The following RABL2A variants were observed in gnomAD, a reference collection of about 807,000 sequenced individuals.
RABL2A encodes RAB, member of RAS oncogene family like 2A.
In RABL2A, 17 loss-of-function variants were observed where a neutral mutation model predicts 30.7. The observed-to-expected ratio is 0.55, with a 90% confidence interval of 0.38 to 0.83. RABL2A has a LOEUF of 0.83. Among genes scored for constraint, RABL2A ranks in the 40% least tolerant of loss-of-function variants. RABL2A has a pLI of 0.00. For synonymous variants in RABL2A, 64 were observed against 101.8 expected (o/e 0.63, Z 2.24); for missense variants, 155 against 272.6 (o/e 0.57, Z 3.04).
At chr2:113,633,298 A>G in intron 3 of RABL2A, 1 of 374,470 alleles carries the variant, frequency 2.7e-6, no homozygotes, top group Non-Finnish European at 5.0e-6. Context: ...CTAACCTCAA[A>G]GCTTGGGCCC....
intron 4 of RABL2A, 122 bp from the exon 5 acceptor site, chr2:113,634,929 C>A: frequency 1.1e-6 from 1 of 940,912 alleles, no homozygotes; most frequent in Non-Finnish European, 1.7e-6. Flanking sequence ...GTCTCTGTTT[C>A]TCCCTGTGCT....
In RABL2A at chr2:113,636,858, G is replaced by A. The variant is rs369581385; in HGVS notation, c.297+1728G>A. Reference sequence around the variant, plus strand: ...AAAAAAATTAGCCGGGCGTGGTAGCGGGCGCCTGTAGTCCCAGCTACTCGG... The same window carrying A: ...AAAAAAATTAGCCGGGCGTGGTAGCAGGCGCCTGTAGTCCCAGCTACTCGG... On this transcript the variant is annotated intron_variant, in intron 5 of 8. Transcript: ENST00000683472. 7.2e-4 allele frequency among the ~76,000 whole-genome samples: 108 copies of A among 150,630 alleles called. 2 individuals carry two copies. The East Asian group carries it at 0.019, about 27-fold the overall frequency.
intron 5 of RABL2A, among the ~76,000 whole-genome samples, chr2:113,639,536 C>T (rs1366021856): frequency 5.3e-5 from 8 of 151,048 alleles, no homozygotes; most frequent in Non-Finnish European, 2.9e-5. Context: ...ACAAGAGAAT[C>T]GCTTGAACCT....
chr2:113,629,110 C>G (rs964028996), intron 2 of RABL2A, among the ~76,000 whole-genome samples: 16 of 150,844 alleles, frequency 1.1e-4, no homozygotes, highest in African/African-American at 3.7e-4. Context: ...ATAGAGAAAA[C>G]TGGGTAGAAC....
intron 4 of RABL2A, 47 bp from the exon 5 acceptor site, chr2:113,635,004 C>A (rs1681972088): frequency 6.2e-7 from 1 of 1,613,888 alleles, no homozygotes; most frequent in East Asian, 2.2e-5. Flanking sequence ...TAGTGACTTG[C>A]ACAGAAATGC....
rs1685517562 is a variant in RABL2A, at chr2:113,642,398, C to G, written c.*269C>G. 4.6e-6 allele frequency: 3 copies of G among 652,662 alleles called. No homozygotes were observed. Among genetic ancestry groups the G allele is most frequent in the Non-Finnish European group, 7.5e-6 (3 of 401,782 alleles). 40.4% of individuals were successfully genotyped at this position (652,662 alleles called of 1,614,324 possible). On this transcript the variant is annotated 3_prime_UTR_variant, in exon 9 of 9. Transcript: ENST00000683472. Reference sequence around the variant, plus strand: ...TAACACCTTCCCCACCCCCTCCCCCCAGGCAGACAGTGAAGAGAATCAGAA... The same window carrying G: ...TAACACCTTCCCCACCCCCTCCCCCGAGGCAGACAGTGAAGAGAATCAGAA...
chr2:113,636,071 G>T (rs1682568994), intron 5 of RABL2A, among the ~76,000 whole-genome samples: 1 of 151,416 alleles, frequency 6.6e-6, no homozygotes, highest in Non-Finnish European at 1.5e-5. Flanking sequence ...TCACACCATT[G>T]CACTCCAGCC....
Position 113,633,073 on chromosome 2 carries a change from A to G in RABL2A, c.137+129A>G, listed in dbSNP as rs757032486. On this transcript the variant is annotated intron_variant, in intron 3 of 8. Coordinates refer to ENST00000683472, the MANE Select transcript of RABL2A (RefSeq NM_001306158.2). ...GAAGGAGGATTGGGTAAGTGAACGC[A>G]CAGGTTTTGTTCTGCACTTGTTTCT... 6.9e-6 allele frequency: 10 copies of G among 1,454,118 alleles called. No homozygotes were observed. The African/African-American group carries it at 1.4e-4, about 20-fold the overall frequency. The allele number at this position is 1,454,118 out of a possible 1,614,324, so 90.1% of individuals were successfully genotyped here.
At chr2:113,631,352 C>G (rs994815259) in intron 2 of RABL2A, among the ~76,000 whole-genome samples, 2 of 152,082 alleles carry the variant, frequency 1.3e-5, no homozygotes, top group African/African-American at 4.8e-5. Context: ...GCACACCCCC[C>G]CCACCCAAAA....
At position 113,636,999 on chromosome 2, in the gene RABL2A, A is replaced by T. The variant is rs1315634944; in HGVS notation, c.297+1869A>T. Among the ~76,000 whole-genome samples the T allele has an allele frequency of 1.5e-3, 212 of 146,120 alleles. 2 individuals are homozygous for T. The highest frequency in any genetic ancestry group is 6.0e-4 in the Non-Finnish European group (40 of 66,162). On this transcript the variant is annotated intron_variant, in intron 5 of 8. Coordinates refer to ENST00000683472, the MANE Select transcript of RABL2A (RefSeq NM_001306158.2). Reference sequence around the variant, plus strand: ...GCGAGACTCTGTCTCAAAAAAAATAAAAAAATAAAAAAATAAAGTCTGCCA... The same window carrying T: ...GCGAGACTCTGTCTCAAAAAAAATATAAAAATAAAAAAATAAAGTCTGCCA...
At chr2:113,635,006 C>T in intron 4 of RABL2A, 45 bp from the exon 5 acceptor site, 2 of 1,614,070 alleles carry the variant, frequency 1.2e-6, no homozygotes, top group Non-Finnish European at 1.7e-6. Context: ...GTGACTTGCA[C>T]AGAAATGCAC....
intron 2 of RABL2A, among the ~76,000 whole-genome samples, chr2:113,631,050 A>C (rs1393001537): frequency 6.6e-6 from 1 of 151,952 alleles, no homozygotes. Context: ...GGCATGCGCC[A>C]CCATGCCTAG....
chr2:113,640,594 C>G, intron 5 of RABL2A: 1 of 360,014 alleles, frequency 2.8e-6, no homozygotes, highest in South Asian at 2.5e-5. Flanking sequence ...CCAGGCTGGT[C>G]TCAAACTCCT....
intron 3 of RABL2A, 101 bp downstream of exon 3, chr2:113,633,045 C>A (rs1186651017): frequency 7.6e-6 from 12 of 1,579,356 alleles, no homozygotes; most frequent in Non-Finnish European, 1.0e-5. Context: ...AGCCCAGGAA[C>A]AGGAAGGAGG....
intron 2 of RABL2A, among the ~76,000 whole-genome samples, chr2:113,631,796 C>T (rs1019478393): frequency 1.2e-4 from 18 of 151,906 alleles, no homozygotes; most frequent in African/African-American, 3.9e-4. Context: ...GATCTCTCCT[C>T]TTCCTCCTGC....
intron 5 of RABL2A, 23 bp downstream of exon 5, chr2:113,635,153 A>G (rs774127727): frequency 1.2e-5 from 20 of 1,613,788 alleles, no homozygotes; most frequent in Admixed American, 6.7e-5. Flanking sequence ...GGGGAGGTGG[A>G]CAAAGGCACT....
intron 4 of RABL2A, chr2:113,634,600 G>T (rs563405580): frequency 1.5e-4 from 62 of 419,868 alleles, no homozygotes; most frequent in African/African-American, 1.1e-3. Flanking sequence ...AATAAATGTG[G>T]TCAGAACATT....
At chr2:113,638,486 C>G in intron 5 of RABL2A, 2 of 985,384 alleles carry the variant, frequency 2.0e-6, no homozygotes, top group Non-Finnish European at 2.4e-6. Flanking sequence ...GGCATGAAGG[C>G]TCACTGTAGC....
At chr2:113,640,470 A>C in intron 5 of RABL2A, 1 of 267,676 alleles carries the variant, frequency 3.7e-6, no homozygotes. Flanking sequence ...CTGTCTCCCT[A>C]GTTCAAGCAA....
Sources: gnomAD v4.1 joint callset for allele counts (sites outside exome capture counted in the v4.1 genomes callset) on GRCh38, gnomAD v4.1.1 for gene constraint, MANE v1.5 for transcripts, NCBI Gene and HGNC (gene_info 2026-07-23, HGNC 2026-07-21) for gene names.